Variants in MCTP1 observed in about 807,000 individuals in gnomAD.
MCTP1 encodes the protein multiple C2 and transmembrane domain containing 1, also known as multiple C2 and transmembrane domain-containing protein 1.
Under a neutral mutation model 120.6 loss-of-function variants are expected in MCTP1, and 69 were observed. The observed-to-expected ratio is 0.57, with a 90% CI of 0.47 to 0.70. The LOEUF is 0.70. Among genes scored for constraint, MCTP1 ranks in the 30% least tolerant of loss-of-function variants. MCTP1 has a pLI of 0.00. For synonymous variants in MCTP1, 529 were observed against 493.1 expected (o/e 1.07, Z -0.96); for missense variants, 1,203 against 1,248.8 (o/e 0.96, Z 0.55).
chr5:95,097,733 G>A (rs780654047), intron 1 of MCTP1, among the ~76,000 whole-genome samples: 2 of 152,162 alleles, frequency 1.3e-5, no homozygotes, highest in African/African-American at 4.8e-5. Context: ...CCTGGATGAA[G>A]GTGTGGTAAG....
intron 1 of MCTP1, among the ~76,000 whole-genome samples, chr5:95,036,078 GA>G (rs1841243664): frequency 6.6e-6 from 1 of 151,982 alleles, no homozygotes; most frequent in South Asian, 2.1e-4. Flanking sequence ...TCTCCCCAAA[GA>G]AATTCAAATG....
At chr5:95,107,841 G>T (rs1029482648) in intron 1 of MCTP1, among the ~76,000 whole-genome samples, 2 of 152,128 alleles carry the variant, frequency 1.3e-5, no homozygotes, top group African/African-American at 4.8e-5. Context: ...TTCAAGTTTG[G>T]ATTTCCTTCT....
chr5:95,210,419 C>T (rs1366981460), intron 1 of MCTP1, among the ~76,000 whole-genome samples: 1 of 150,360 alleles, frequency 6.7e-6, no homozygotes, highest in Admixed American at 6.7e-5. Context: ...ATCCCTTTAC[C>T]ATTATGTAGT....
At chr5:94,729,202 C>A (rs1762670386) in intron 19 of MCTP1, among the ~76,000 whole-genome samples, 1 of 152,162 alleles carries the variant, frequency 6.6e-6, no homozygotes, top group Non-Finnish European at 1.5e-5. Flanking sequence ...AAGGAAGTAG[C>A]TACACAGGTG....
At position 95,284,546 on chromosome 5, in the gene MCTP1, C is replaced by A; in HGVS notation, c.30G>T (p.Glu10Asp). The change falls in exon 1 of 23, where the codon GAG (glutamate) becomes GAT (aspartate). Residue 10 changes from glutamate (E) to aspartate (D), a missense_variant. Around this residue, in one of 2 missense-constraint regions of MCTP1, gnomAD observed 463 missense variants for 377.8 expected, o/e 1.23. Transcript: ENST00000515393. The surrounding 1 kb of genome is among the most constrained non-coding windows in gnomAD (Gnocchi z 5.2). The part of the protein sequence containing the change: MEPRAAAAG[E>D]PEPPAASSSF... ...AGGAGGACGCCGCCGGCGGCTCTGG[C>A]TCGCCCGCCGCGGCAGCCCGGGGCT... 6.8e-7 allele frequency: 1 copy of A among 1,460,374 alleles called. No homozygotes were observed. The highest frequency in any genetic ancestry group is 1.4e-5 in the South Asian group (1 of 72,548). 90.5% of individuals were successfully genotyped at this position (1,460,374 alleles called of 1,614,324 possible).
At chr5:94,923,757 T>C (rs1157495726) in intron 7 of MCTP1, among the ~76,000 whole-genome samples, 2 of 152,168 alleles carry the variant, frequency 1.3e-5, no homozygotes, top group African/African-American at 4.8e-5. Context: ...AGAAATATGT[T>C]CAATTTATGA....
chr5:94,826,595 C>T, intron 17 of MCTP1: 1 of 761,458 alleles, frequency 1.3e-6, no homozygotes, highest in Non-Finnish European at 2.3e-6. Context: ...AAACTTCTTT[C>T]TCAGGCTCTT....
chr5:94,949,639 A>AT lies in MCTP1; in HGVS notation c.981+3579dup, dbSNP rs529840385. 4.6e-5 allele frequency among the ~76,000 whole-genome samples: 7 copies of AT among 152,080 alleles called. No homozygotes were observed. The East Asian group carries it at 1.3e-3, about 29-fold the overall frequency. On this transcript the variant is annotated intron_variant, in intron 3 of 22. Coordinates refer to ENST00000515393, the MANE Select transcript of MCTP1 (RefSeq NM_024717.7). ...TTTCATAACTTTGGCTCAGAACTGA[A>AT]TTTTTTTTCCTTGGTAATTTTTACA...
chr5:95,125,903 CCTT>C (rs1758586976), intron 1 of MCTP1, among the ~76,000 whole-genome samples: 1 of 152,016 alleles, frequency 6.6e-6, no homozygotes, highest in African/African-American at 2.4e-5. Context: ...TCCAACAAGA[CCTT>C]CTTCAACTTC....
chr5:94,867,261 G>A, intron 17 of MCTP1: 2 of 1,501,342 alleles, frequency 1.3e-6, no homozygotes, highest in Non-Finnish European at 1.8e-6. Flanking sequence ...GCTTTCTTTA[G>A]GGAGACAACA....
intron 1 of MCTP1, among the ~76,000 whole-genome samples, chr5:95,055,048 G>A (rs1747016001): frequency 6.6e-6 from 1 of 152,170 alleles, no homozygotes; most frequent in Non-Finnish European, 1.5e-5. Flanking sequence ...CTGGTCTCAA[G>A]TGATCACCTG....
chr5:95,154,242 C>G lies in MCTP1; in HGVS notation c.720+129614G>C, dbSNP rs573775249. On this transcript the variant is annotated intron_variant, in intron 1 of 22. Coordinates refer to ENST00000515393, the MANE Select transcript of MCTP1 (RefSeq NM_024717.7). ...TCTCAAGGGTGAACTAGGCACATAC[C>G]TGGGGCTTAGCTGTTTCTTATTCAC... 3.9e-5 allele frequency: 6 copies of G among 152,192 alleles called. No individual in the cohort carries two copies. The South Asian group carries it at 1.2e-3, about 32-fold the overall frequency. 9.4% of individuals were successfully genotyped at this position (152,192 alleles called of 1,614,324 possible).
At chr5:94,775,609 C>T (rs190677231) in intron 19 of MCTP1, among the ~76,000 whole-genome samples, 60 of 152,236 alleles carry the variant, frequency 3.9e-4, no homozygotes, top group African/African-American at 1.3e-3. Context: ...GAATTGAGAA[C>T]TCAGTATGAT....
intron 17 of MCTP1, chr5:94,867,616 GA>G (rs368503237): frequency 6.6e-4 from 254 of 386,682 alleles, no homozygotes; most frequent in African/African-American, 4.9e-3. Context: ...ACTTCAAACT[GA>G]AATCCTGAAA....
At chr5:95,015,693 C>A (rs1836964410) in intron 2 of MCTP1, among the ~76,000 whole-genome samples, 1 of 152,100 alleles carries the variant, frequency 6.6e-6, no homozygotes, top group Admixed American at 6.6e-5. Context: ...TTTTCCATAT[C>A]AATTTCTAGA....
chr5:95,180,164 C>T (rs187964307), intron 1 of MCTP1, among the ~76,000 whole-genome samples: 5 of 152,268 alleles, frequency 3.3e-5, no homozygotes, highest in Non-Finnish European at 2.9e-5. Flanking sequence ...TACTACTAGA[C>T]CTACCAAATG....
At chr5:94,797,372 G>A (rs543636720) in intron 18 of MCTP1, among the ~76,000 whole-genome samples, 1 of 152,180 alleles carries the variant, frequency 6.6e-6, no homozygotes, top group South Asian at 2.1e-4. Context: ...TTTGTCTCAA[G>A]GCAACTGAAT....
At chr5:94,794,335 C>T (rs1352533679) in intron 18 of MCTP1, among the ~76,000 whole-genome samples, 1 of 152,240 alleles carries the variant, frequency 6.6e-6, no homozygotes, top group Non-Finnish European at 1.5e-5. Context: ...TTCCCATGCT[C>T]ACCTTGGTGA....
intron 1 of MCTP1, among the ~76,000 whole-genome samples, chr5:95,105,908 A>G (rs1757045522): frequency 6.6e-6 from 1 of 152,172 alleles, no homozygotes; most frequent in South Asian, 2.1e-4. Flanking sequence ...ACCATGTGTT[A>G]TAGGTTTCGA....
Sources: allele counts gnomAD v4.1 joint callset (sites outside exome capture counted in the v4.1 genomes callset), GRCh38; gene constraint gnomAD v4.1.1; regional missense constraint gnomAD v4.1.1; non-coding constraint Gnocchi (gnomAD v3.1); transcripts MANE v1.5; gene names NCBI Gene and HGNC (gene_info 2026-07-23, HGNC 2026-07-21).